The following EVI5L variants were observed in gnomAD, a reference collection of about 807,000 sequenced individuals.
EVI5L encodes EVI5-like protein.
A neutral mutation model predicts 106.1 loss-of-function variants in EVI5L; 30 were observed. That is an observed-to-expected ratio of 0.28 (90% CI 0.21 to 0.38). The LOEUF is 0.38. Ranked by LOEUF, EVI5L falls within the 10% of genes least tolerant of loss-of-function variation. EVI5L has a pLI of 1.00. For synonymous variants in EVI5L, 489 were observed against 483.3 expected (o/e 1.01, Z -0.15); for missense variants, 809 against 1,098.0 (o/e 0.74, Z 3.72).
chr19:7,847,595 GA>G (rs34340959), intron 2 of EVI5L, 136 bp from the exon 3 acceptor site: 282 of 663,246 alleles, frequency 4.3e-4, no homozygotes, highest in East Asian at 5.5e-4. Flanking sequence ...CAAAGAAGAA[GA>G]AAAAAAAAAG....
rs1979963272 is a variant in EVI5L at position 7,863,546 on chromosome 19, C to T, written c.2262C>T (p.Gly754=). The T allele has an allele frequency of 9.4e-6, 15 of 1,600,004 alleles. No individual in the cohort carries two copies. Among genetic ancestry groups the T allele is most frequent in the African/African-American group, 1.3e-5 (1 of 74,658 alleles). Residue 754 remains glycine (G), a synonymous_variant, in exon 20 of 20, where the codon GGC becomes GGT. Transcript: ENST00000538904. The surrounding 1 kb of genome is among the most constrained non-coding windows in gnomAD (Gnocchi z 7.7). ...PSSDEELLGV[G]VGAALQDALY... Reference sequence around the variant, plus strand: ...CGGACGAGGAGCTACTTGGCGTAGGCGTGGGCGCTGCCCTGCAGGACGCAT... The same window carrying T: ...CGGACGAGGAGCTACTTGGCGTAGGTGTGGGCGCTGCCCTGCAGGACGCAT...
intron 10 of EVI5L, 32 bp downstream of exon 10, chr19:7,853,365 G>T (rs1460370513): frequency 2.5e-6 from 4 of 1,594,592 alleles, no homozygotes. Flanking sequence ...CGGGGACAGG[G>T]ATGGGAGGCC....
chr19:7,849,418 C>T, intron 5 of EVI5L, 88 bp downstream of exon 5: 1 of 1,402,880 alleles, frequency 7.1e-7, no homozygotes, highest in Non-Finnish European at 9.9e-7. Flanking sequence ...GTGGCGTGTC[C>T]TCCACCCAGC....
chr19:7,860,421 G>A (rs1257487795), intron 13 of EVI5L, 140 bp from the exon 14 acceptor site: 3 of 656,858 alleles, frequency 4.6e-6, no homozygotes, highest in Admixed American at 3.2e-5. Context: ...GCATCAGGGG[G>A]TCCAGCCCAG....
intron 1 of EVI5L, among the ~76,000 whole-genome samples, chr19:7,841,978 G>A (rs902619299): frequency 1.2e-4 from 18 of 152,336 alleles, no homozygotes; most frequent in South Asian, 4.1e-4. Context: ...GGGGGTGAGC[G>A]CTGCTCGGTG....
intron 1 of EVI5L, among the ~76,000 whole-genome samples, chr19:7,843,700 GGGT>G (rs1305556867): frequency 4.6e-5 from 7 of 151,960 alleles, no homozygotes; most frequent in Non-Finnish European, 8.8e-5. Flanking sequence ...GAATAGGCAT[GGGT>G]GTGTGTATCC....
chr19:7,851,290 G>GT, intron 6 of EVI5L, 144 bp from the exon 7 acceptor site: 1 of 967,530 alleles, frequency 1.0e-6, no homozygotes, highest in Non-Finnish European at 1.5e-6. Flanking sequence ...CAGACAGAGT[G>GT]CTGAGGGAGC....
intron 1 of EVI5L, among the ~76,000 whole-genome samples, chr19:7,832,649 G>A (rs1978298549): frequency 1.3e-5 from 2 of 152,162 alleles, no homozygotes; most frequent in Non-Finnish European, 2.9e-5. Context: ...CCAGGTCCCT[G>A]CGAGGGTCTT....
intron 1 of EVI5L, among the ~76,000 whole-genome samples, chr19:7,844,937 C>T (rs1265935778): frequency 2.0e-5 from 3 of 152,180 alleles, no homozygotes; most frequent in African/African-American, 7.2e-5. Flanking sequence ...GTCCATCCAA[C>T]CTGTAGGCCC....
rs1250413864 is a variant in EVI5L, at chr19:7,864,944, A to G, written c.*1242A>G. ...CCTGTTCACATGTCGCCCAGGCGGG[A>G]AAAATGGAAAATAAAGTGTATTTAC... On this transcript the variant is annotated 3_prime_UTR_variant, in exon 20 of 20. Transcript: ENST00000538904. This position sits in a 1 kb window ranked among gnomAD's most constrained non-coding sequence, Gnocchi z 4.5. 3.3e-5 allele frequency: 5 copies of G among 152,560 alleles called. No individual in the cohort carries two copies. Among genetic ancestry groups the G allele is most frequent in the African/African-American group, 1.2e-4 (5 of 41,582 alleles). 9.5% of individuals were successfully genotyped at this position (152,560 alleles called of 1,614,324 possible).
chr19:7,834,409 G>T (rs1300172019), intron 1 of EVI5L, among the ~76,000 whole-genome samples: 2 of 152,170 alleles, frequency 1.3e-5, no homozygotes, highest in East Asian at 3.8e-4. Context: ...ATAGCCAAAA[G>T]TAATCTGGTC....
Position 7,856,102 on chromosome 19 carries a change from C to A in EVI5L, c.1200+34C>A. 7.6e-7 allele frequency: 1 copy of A among 1,317,448 alleles called. No individual in the cohort carries two copies. The highest frequency in any genetic ancestry group is 9.8e-7 in the Non-Finnish European group (1 of 1,023,902). 81.6% of individuals were successfully genotyped at this position (1,317,448 alleles called of 1,614,324 possible). A position where few individuals can be genotyped will look rare whatever the true frequency, so the allele number is the denominator to read the frequency against. On this transcript the variant is annotated intron_variant, in intron 11 of 19. Transcript: ENST00000538904. This position sits in a 1 kb window ranked among gnomAD's most constrained non-coding sequence, Gnocchi z 6.6. ...CGTGGCCACTGTGAGGACATGGTCG[C>A]CATGGGGTGTGACCCACCATGCGGG...
Position 7,851,500 on chromosome 19 carries a change from T to C in EVI5L, c.820T>C (p.Ser274Pro). The C allele has an allele frequency of 6.2e-7, 1 of 1,613,544 alleles. No individual in the cohort carries two copies. Among genetic ancestry groups the C allele is most frequent in the Non-Finnish European group, 8.5e-7 (1 of 1,179,758 alleles). ...QSFHTSMYAS[S>P]WFLTLFLTTF... ...CTTCCACACATCCATGTATGCCTCGTCCTGGTTCCTCACACTGTTCCTGAC... is the reference window on the plus strand; with the variant it reads ...CTTCCACACATCCATGTATGCCTCGCCCTGGTTCCTCACACTGTTCCTGAC... Residue 274 changes from serine (S) to proline (P), a missense_variant, in exon 7 of 20, where the codon TCC becomes CCC. Coordinates refer to ENST00000538904, the MANE Select transcript of EVI5L (RefSeq NM_001159944.3).
At chr19:7,842,659 A>G (rs1415309605) in intron 1 of EVI5L, among the ~76,000 whole-genome samples, 2 of 151,366 alleles carry the variant, frequency 1.3e-5, no homozygotes, top group Non-Finnish European at 2.9e-5. Context: ...GTGTTTATGT[A>G]TCAAGTGTGT....
At chr19:7,847,595 G>GAAAAA in intron 2 of EVI5L, 137 bp from the exon 3 acceptor site, 1 of 664,228 alleles carries the variant, frequency 1.5e-6, no homozygotes, top group Non-Finnish European at 2.3e-6. Flanking sequence ...CAAAGAAGAA[G>GAAAAA]AAAAAAAAAA....
In EVI5L at chr19:7,864,311, C is replaced by G. The variant is rs1032809016; in HGVS notation, c.*609C>G. On this transcript the variant is annotated 3_prime_UTR_variant, in exon 20 of 20. Transcript: ENST00000538904. This position sits in a 1 kb window ranked among gnomAD's most constrained non-coding sequence, Gnocchi z 4.5. ...GCCCCTGCAGCGGAAACCAAAGTCC[C>G]CCTACTATGTGCGGGGCGCCTGGGG... is the stretch of plus-strand genomic sequence containing the variant. 2 of 152,498 alleles carry G rather than the reference C, an allele frequency of 1.3e-5. No homozygotes were observed. The highest frequency in any genetic ancestry group is 2.9e-5 in the Non-Finnish European group (2 of 68,076). 9.4% of individuals were successfully genotyped at this position (152,498 alleles called of 1,614,324 possible).
At chr19:7,844,885 C>T (rs1978883123) in intron 1 of EVI5L, among the ~76,000 whole-genome samples, 1 of 152,166 alleles carries the variant, frequency 6.6e-6, no homozygotes, top group Non-Finnish European at 1.5e-5. Context: ...TGGCGCACCT[C>T]CCCCAACCCT....
chr19:7,853,523 C>G (rs1232017593), intron 10 of EVI5L, 190 bp downstream of exon 10: 2 of 707,898 alleles, frequency 2.8e-6, no homozygotes, highest in Non-Finnish European at 4.6e-6. Context: ...GCGCCTCCCC[C>G]GCCTGACGCC....
rs1420872424 is a variant in EVI5L, at chr19:7,863,296, G to A, written c.2139+16G>A. The A allele has an allele frequency of 2.6e-6, 4 of 1,551,386 alleles. No homozygotes were observed. The South Asian group carries it at 3.6e-5, about 14-fold the overall frequency. ...GAAGGCCGAGGTGAGCCGGCGCGGG[G>A]ATGCCGGGGACAGGCCTGGGTGTCG... On this transcript the variant is annotated intron_variant, in intron 19 of 19. Transcript: ENST00000538904. This position sits in a 1 kb window ranked among gnomAD's most constrained non-coding sequence, Gnocchi z 7.7.
Sources: gnomAD v4.1 joint callset for allele counts (sites outside exome capture counted in the v4.1 genomes callset) on GRCh38, gnomAD v4.1.1 for gene constraint, Gnocchi (gnomAD v3.1) non-coding constraint, MANE v1.5 for transcripts, NCBI Gene and HGNC (gene_info 2026-07-23, HGNC 2026-07-21) for gene names.